RASGRF2: variants seen among roughly 807,000 people sequenced by gnomAD.
RASGRF2 encodes Ras protein specific guanine nucleotide releasing factor 2.
A neutral mutation model predicts 151.0 loss-of-function variants in RASGRF2; 76 were observed. The observed-to-expected ratio is 0.50, with a 90% confidence interval of 0.42 to 0.61. The LOEUF (loss-of-function observed/expected upper bound fraction) is 0.61, where lower values mean the gene tolerates loss of function less well. RASGRF2 is among the 20% of genes least tolerant of loss of function. The probability of loss-of-function intolerance (pLI) is 0.00; values close to 1 mark genes in which losing one functional copy is unlikely to be tolerated. For synonymous variants in RASGRF2, 504 were observed against 566.5 expected (o/e 0.89, Z 1.57); for missense variants, 1,148 against 1,564.6 (o/e 0.73, Z 4.49).
chr5:80,983,772 C>T (rs1748388118), intron 1 of RASGRF2, among the ~76,000 whole-genome samples: 1 of 152,136 alleles, frequency 6.6e-6, no homozygotes, highest in African/African-American at 2.4e-5. Context: ...GTACCAAAAA[C>T]CCATAAAAGA....
intron 1 of RASGRF2, among the ~76,000 whole-genome samples, chr5:81,025,280 G>T (rs1749979233): frequency 6.6e-6 from 1 of 152,150 alleles, no homozygotes; most frequent in Non-Finnish European, 1.5e-5. Flanking sequence ...ACTTGCCGTT[G>T]GTGGGTGTAT....
At chr5:81,077,048 G>A (rs1751960018) in intron 5 of RASGRF2, among the ~76,000 whole-genome samples, 1 of 152,196 alleles carries the variant, frequency 6.6e-6, no homozygotes, top group South Asian at 2.1e-4. Context: ...ATAATAATGA[G>A]CCATGGAATC....
chr5:81,104,634 T>C (rs935970269), intron 12 of RASGRF2, among the ~76,000 whole-genome samples: 3 of 152,232 alleles, frequency 2.0e-5, no homozygotes, highest in African/African-American at 7.2e-5. Context: ...CAGATATATT[T>C]TATATTTTCT....
At chr5:81,199,273 C>G (rs1242295802) in intron 18 of RASGRF2, among the ~76,000 whole-genome samples, 1 of 152,192 alleles carries the variant, frequency 6.6e-6, no homozygotes, top group East Asian at 1.9e-4. Flanking sequence ...TTGTTTATGA[C>G]ACTGACATTT....
chr5:81,135,632 A>T (rs1027582484), intron 17 of RASGRF2, among the ~76,000 whole-genome samples: 15 of 152,204 alleles, frequency 9.9e-5, no homozygotes, highest in Non-Finnish European at 2.1e-4. Flanking sequence ...TTACTGTGGA[A>T]TAGTATTCTA....
rs530914499 is a variant in RASGRF2, at chr5:80,989,194, C to T, written c.288+28168C>T. Among the ~76,000 whole-genome samples the T allele has an allele frequency of 1.1e-4, 16 of 152,266 alleles. No homozygotes were observed. The East Asian group carries it at 2.9e-3, about 28-fold the overall frequency. ...CCATGTTGGCCAGGCTGGTCTCGAA[C>T]TCCTGGCCTCAAGTGATCCCCCCGC... On this transcript the variant is annotated intron_variant, in intron 1 of 26. Transcript: ENST00000265080.
chr5:81,205,752 T>C (rs1291055495), intron 19 of RASGRF2, among the ~76,000 whole-genome samples: 2 of 152,176 alleles, frequency 1.3e-5, no homozygotes, highest in East Asian at 3.9e-4. Flanking sequence ...TTGTTTTATT[T>C]TATTTATTTA....
At chr5:81,089,322 G>T (rs771710556) in intron 9 of RASGRF2, among the ~76,000 whole-genome samples, 1 of 152,010 alleles carries the variant, frequency 6.6e-6, no homozygotes, top group African/African-American at 2.4e-5. Context: ...ATGATATGTG[G>T]TCTATTTCTA....
intron 22 of RASGRF2, among the ~76,000 whole-genome samples, chr5:81,211,294 G>A (rs1263451926): frequency 6.6e-6 from 1 of 151,962 alleles, no homozygotes; most frequent in South Asian, 2.1e-4. Flanking sequence ...GCATTTACCT[G>A]TTTATGTATC....
chr5:80,996,892 A>G (rs959324686), intron 1 of RASGRF2, among the ~76,000 whole-genome samples: 7 of 151,998 alleles, frequency 4.6e-5, no homozygotes, highest in Non-Finnish European at 7.4e-5. Flanking sequence ...GTATGTATTT[A>G]TAGGCTTAGT....
intron 1 of RASGRF2, among the ~76,000 whole-genome samples, chr5:80,977,683 C>A (rs1424486381): frequency 6.6e-6 from 1 of 152,220 alleles, no homozygotes; most frequent in Non-Finnish European, 1.5e-5. Flanking sequence ...TCTCGAACTA[C>A]TGACCTCAGG....
At chr5:81,127,017 T>TA in intron 16 of RASGRF2, 57 bp from the exon 17 acceptor site, 1 of 1,559,060 alleles carries the variant, frequency 6.4e-7, no homozygotes, top group Non-Finnish European at 8.8e-7. Flanking sequence ...TGATTTTTGT[T>TA]ACAGAATATT....
intron 17 of RASGRF2, among the ~76,000 whole-genome samples, chr5:81,148,090 C>T (rs891969873): frequency 3.9e-5 from 6 of 152,244 alleles, no homozygotes; most frequent in South Asian, 4.1e-4. Context: ...TATGGATTTA[C>T]GAAGACCTAC....
chr5:81,109,427 G>A (rs963940190), intron 13 of RASGRF2, among the ~76,000 whole-genome samples: 24 of 152,288 alleles, frequency 1.6e-4, no homozygotes, highest in Middle Eastern at 3.4e-3. Context: ...AGGCCGAGGC[G>A]GGTGGATTAC....
At chr5:81,217,249 C>T (rs6870105) in intron 24 of RASGRF2, 107 bp from the exon 25 acceptor site, 276,191 of 1,448,424 alleles carry the variant, frequency 0.19, 27,220 homozygotes, top group Middle Eastern at 0.25. Flanking sequence ...AAAGGTTTTG[C>T]TCTTCAGTAC....
chr5:81,012,395 C>A (rs1749492084), intron 1 of RASGRF2, among the ~76,000 whole-genome samples: 1 of 152,142 alleles, frequency 6.6e-6, no homozygotes, highest in Non-Finnish European at 1.5e-5. Context: ...TAACATACCA[C>A]ATATCATTTA....
intron 17 of RASGRF2, among the ~76,000 whole-genome samples, chr5:81,166,314 G>A (rs1439462411): frequency 3.3e-5 from 5 of 151,950 alleles, no homozygotes; most frequent in Non-Finnish European, 7.4e-5. Flanking sequence ...AGACTCCCAA[G>A]TAGCTGGAAT....
At chr5:81,000,034 G>T (rs1331891059) in intron 1 of RASGRF2, among the ~76,000 whole-genome samples, 2 of 152,162 alleles carry the variant, frequency 1.3e-5, no homozygotes, top group Non-Finnish European at 2.9e-5. Flanking sequence ...AGTGGCTGGG[G>T]CTGGAGTAGC....
chr5:81,073,831 A>T (rs1227505428), intron 5 of RASGRF2, among the ~76,000 whole-genome samples: 1 of 152,010 alleles, frequency 6.6e-6, no homozygotes, highest in East Asian at 1.9e-4. Context: ...GTTAGACAGG[A>T]TGGTCTCGAT....
Sources: allele counts gnomAD v4.1 joint callset (sites outside exome capture counted in the v4.1 genomes callset), GRCh38; gene constraint gnomAD v4.1.1; transcripts MANE v1.5; gene names NCBI Gene and HGNC (gene_info 2026-07-23, HGNC 2026-07-21).